SLC24A4: variants seen among roughly 807,000 people sequenced by gnomAD.
The protein encoded by SLC24A4 is sodium/potassium/calcium exchanger 4.
SLC24A4 carries 53 observed loss-of-function variants against 79.0 expected under a neutral mutation model. The ratio of observed to expected loss-of-function variants is 0.67; its 90% CI spans 0.54 to 0.84. The LOEUF is 0.84. SLC24A4 is among the 40% of genes least tolerant of loss of function. The pLI, the probability that SLC24A4 is intolerant of heterozygous loss-of-function variation, is 0.00. For missense variants in SLC24A4, 731 were observed against 822.0 expected (o/e 0.89, Z 1.35); for synonymous variants, 323 against 323.8 (o/e 1.00, Z 0.03).
At chr14:92,453,549 A>C in intron 10 of SLC24A4, 1 of 193,820 alleles carries the variant, frequency 5.2e-6, no homozygotes, top group Non-Finnish European at 1.0e-5. Context: ...CCCCGTGTGT[A>C]TTGTAGGTTG....
intron 11 of SLC24A4, 121 bp downstream of exon 11, chr14:92,454,190 C>T (rs1439597986): frequency 5.0e-6 from 5 of 1,000,264 alleles, no homozygotes; most frequent in Non-Finnish European, 7.2e-6. Context: ...GCCCTGGGGC[C>T]TCCAGAAGCC....
chr14:92,401,721 C>A (rs1036634849), intron 2 of SLC24A4, among the ~76,000 whole-genome samples: 57 of 152,270 alleles, frequency 3.7e-4, no homozygotes, highest in South Asian at 2.1e-4. Flanking sequence ...ACCTCTCTGT[C>A]CCCTACATGA....
chr14:92,329,019 C>T (rs967265883), intron 2 of SLC24A4, among the ~76,000 whole-genome samples: 7 of 152,364 alleles, frequency 4.6e-5, no homozygotes, highest in East Asian at 1.9e-4. Flanking sequence ...GTGTGACAGA[C>T]GCTGCCATCT....
intron 2 of SLC24A4, among the ~76,000 whole-genome samples, chr14:92,399,673 G>T (rs555842081): frequency 4.6e-4 from 70 of 152,130 alleles, no homozygotes; most frequent in Non-Finnish European, 9.3e-4. Flanking sequence ...CTGGTTTTGC[G>T]CTATGAAGGG....
At chr14:92,432,915 T>C (rs1321516150) in intron 2 of SLC24A4, among the ~76,000 whole-genome samples, 1 of 152,240 alleles carries the variant, frequency 6.6e-6, no homozygotes, top group Non-Finnish European at 1.5e-5. Flanking sequence ...GAACTAGGTG[T>C]CATTCCCTGT....
At chr14:92,416,258 G>T (rs1398998951) in intron 2 of SLC24A4, among the ~76,000 whole-genome samples, 1 of 152,030 alleles carries the variant, frequency 6.6e-6, no homozygotes, top group Non-Finnish European at 1.5e-5. Context: ...TGAGGGAGAG[G>T]CTGGTGGGAA....
At chr14:92,349,789 AGTT>A (rs1174457200) in intron 2 of SLC24A4, among the ~76,000 whole-genome samples, 3 of 152,230 alleles carry the variant, frequency 2.0e-5, no homozygotes, top group Admixed American at 6.5e-5. Context: ...AGTGTGGTTC[AGTT>A]GTTTTAATGA....
At position 92,398,024 on chromosome 14, in the gene SLC24A4, G is replaced by A. The variant is rs1016644406; in HGVS notation, c.242-35888G>A. 6.6e-6 allele frequency among the ~76,000 whole-genome samples: 1 copy of A among 152,160 alleles called. No homozygotes were observed. Among genetic ancestry groups the A allele is most frequent in the Non-Finnish European group, 1.5e-5 (1 of 68,034 alleles). On this transcript the variant is annotated intron_variant, in intron 2 of 16. Coordinates refer to ENST00000532405, the MANE Select transcript of SLC24A4 (RefSeq NM_153646.4). The surrounding 1 kb of genome is among the most constrained non-coding windows in gnomAD (Gnocchi z 4.1). ...ATAACGAGACTCTCCCCTATGCCAG[G>A]CCCTGCGCACATGTGACCTTCTCTG...
chr14:92,417,766 A>G (rs1294006739), intron 2 of SLC24A4, among the ~76,000 whole-genome samples: 43 of 152,268 alleles, frequency 2.8e-4, no homozygotes, highest in Admixed American at 2.8e-3. Flanking sequence ...CTGTGTTTCA[A>G]CTACCTGCGG....
intron 2 of SLC24A4, among the ~76,000 whole-genome samples, chr14:92,373,202 A>G (rs1595180136): frequency 1.6e-5 from 1 of 64,284 alleles, no homozygotes; most frequent in African/African-American, 3.5e-5. Flanking sequence ...ACGCACACAC[A>G]CACACACACA....
intron 2 of SLC24A4, among the ~76,000 whole-genome samples, chr14:92,379,698 G>A (rs190278712): frequency 6.6e-6 from 1 of 152,230 alleles, no homozygotes; most frequent in African/African-American, 2.4e-5. Context: ...GTGCCATCTT[G>A]AGTGGTGCCC....
chr14:92,438,517 G>A (rs1470087587), intron 3 of SLC24A4, among the ~76,000 whole-genome samples: 1 of 152,172 alleles, frequency 6.6e-6, no homozygotes, highest in Non-Finnish European at 1.5e-5. Flanking sequence ...CTACTTGGGA[G>A]GCTGAGGTGG....
chr14:92,467,520 G>C (rs1248180169), intron 12 of SLC24A4, among the ~76,000 whole-genome samples: 5 of 152,132 alleles, frequency 3.3e-5, no homozygotes, highest in African/African-American at 1.2e-4. Context: ...GTGGGTCTTG[G>C]GAATTTTTAG....
In SLC24A4 at chr14:92,482,758, G is replaced by C. The variant is rs780072521; in HGVS notation, c.1334G>C (p.Ser445Thr). 2 of 1,613,966 alleles carry C rather than the reference G, an allele frequency of 1.2e-6. No individual in the cohort carries two copies. The highest frequency in any genetic ancestry group is 2.7e-5 in the African/African-American group (2 of 74,896). Residue 445 changes from serine to threonine, a missense_variant, in exon 13 of 17, where the codon AGC (serine) becomes ACC (threonine). Coordinates refer to ENST00000532405, the MANE Select transcript of SLC24A4 (RefSeq NM_153646.4). ...CTGTGCGTCACCATTCCCAACTGCAGCAAGCCCCGCTGGGAGAAGTTCTTC... is the reference window on the plus strand; with the variant it reads ...CTGTGCGTCACCATTCCCAACTGCACCAAGCCCCGCTGGGAGAAGTTCTTC... ...FLLCVTIPNC[S>T]KPRWEKFFMV... is the part of the protein sequence containing the mutation.
intron 2 of SLC24A4, among the ~76,000 whole-genome samples, chr14:92,400,895 C>G (rs1459902086): frequency 6.6e-6 from 1 of 152,164 alleles, no homozygotes. Flanking sequence ...TGTAAACAAG[C>G]ATGTTTGAAG....
chr14:92,351,236 G>GCACACACA (rs1555360939), intron 2 of SLC24A4, among the ~76,000 whole-genome samples: 1 of 146,986 alleles, frequency 6.8e-6, no homozygotes, highest in South Asian at 2.2e-4. Context: ...ACACATACAC[G>GCACACACA]CACACACACA....
In SLC24A4 at chr14:92,500,006, A is replaced by AT. The variant is rs1222327378; in HGVS notation, c.*6384dup. ...AGGCGCCTGCCACCACACCCAGCTA[A>AT]TTTTTTGTATTTTTGGTACAGACAG... On this transcript the variant is annotated 3_prime_UTR_variant, in exon 17 of 17. Coordinates refer to ENST00000532405, the MANE Select transcript of SLC24A4 (RefSeq NM_153646.4). The AT allele has an allele frequency of 2.6e-5, 4 of 151,198 alleles. No individual in the cohort carries two copies. The highest frequency in any genetic ancestry group is 9.7e-5 in the African/African-American group (4 of 41,096). The allele number at this position is 151,198 out of a possible 1,614,324, so 9.4% of individuals were successfully genotyped here. A position where few individuals can be genotyped will look rare whatever the true frequency, so the allele number is the denominator to read the frequency against.
chr14:92,387,207 C>A (rs7143012), intron 2 of SLC24A4, among the ~76,000 whole-genome samples: 1 of 149,772 alleles, frequency 6.7e-6, no homozygotes, highest in African/African-American at 2.5e-5. Flanking sequence ...GATGGAGTCT[C>A]GCTGTGTCAC....
intron 12 of SLC24A4, among the ~76,000 whole-genome samples, chr14:92,471,895 G>A (rs1259613812): frequency 6.6e-6 from 1 of 152,198 alleles, no homozygotes; most frequent in African/African-American, 2.4e-5. Context: ...AATCTGGAGA[G>A]ACCAATTCAC....
Sources: gnomAD v4.1 joint callset for allele counts (sites outside exome capture counted in the v4.1 genomes callset) on GRCh38, gnomAD v4.1.1 for gene constraint, Gnocchi (gnomAD v3.1) non-coding constraint, MANE v1.5 for transcripts, NCBI Gene and HGNC (gene_info 2026-07-23, HGNC 2026-07-21) for gene names.